Variants in PTPN13 observed in about 807,000 individuals in gnomAD.
The protein encoded by PTPN13 is protein tyrosine phosphatase non-receptor type 13.
PTPN13 carries 191 observed loss-of-function variants against 284.0 expected under a neutral mutation model. The observed-to-expected ratio is 0.67, with a 90% CI of 0.60 to 0.76. The LOEUF is 0.76. Among genes scored for constraint, PTPN13 ranks in the 30% least tolerant of loss-of-function variants. The probability of loss-of-function intolerance (pLI) is 0.00; values close to 1 mark genes in which losing one functional copy is unlikely to be tolerated. For synonymous variants in PTPN13, 986 were observed against 1,022.3 expected, an observed-to-expected ratio of 0.96 and a Z score of 0.68; for missense variants, 2,797 against 2,939.9, an observed-to-expected ratio of 0.95 and a Z score of 1.12.
chr4:86,777,084 G>A (rs1407083805), intron 35 of PTPN13, among the ~76,000 whole-genome samples: 2 of 152,066 alleles, frequency 1.3e-5, no homozygotes, highest in African/African-American at 4.8e-5. Context: ...ACTTATAATG[G>A]AAACAGATTG....
intron 35 of PTPN13, among the ~76,000 whole-genome samples, chr4:86,776,208 A>G (rs1417289899): frequency 6.6e-6 from 1 of 152,204 alleles, no homozygotes; most frequent in African/African-American, 2.4e-5. Flanking sequence ...GGCCTCCCAA[A>G]GTGCTGGGAT....
chr4:86,792,509 A>G (rs1742804162), intron 40 of PTPN13, among the ~76,000 whole-genome samples: 1 of 152,180 alleles, frequency 6.6e-6, no homozygotes, highest in Non-Finnish European at 1.5e-5. Flanking sequence ...TACAGAGAAC[A>G]CCACAAAGAT....
chr4:86,722,111 G>C (rs994796336), intron 9 of PTPN13, 101 bp from the exon 10 acceptor site: 4 of 939,450 alleles, frequency 4.3e-6, no homozygotes, highest in Non-Finnish European at 6.5e-6. Flanking sequence ...AATAAAATTT[G>C]TTTAAACTCT....
chr4:86,657,022 G>A (rs1220978707), intron 2 of PTPN13, among the ~76,000 whole-genome samples: 1 of 152,224 alleles, frequency 6.6e-6, no homozygotes, highest in Non-Finnish European at 1.5e-5. Context: ...GAGCCTCCAA[G>A]CCAGGAGCAG....
In PTPN13 at chr4:86,634,760, G is replaced by A. The variant is rs371374595; in HGVS notation, c.-5-492G>A. Among the ~76,000 whole-genome samples the A allele has an allele frequency of 4.6e-5, 7 of 152,222 alleles. No homozygotes were observed. In the East Asian group the frequency reaches 1.2e-3, roughly 25 times the overall value. ...AATATACAGTTATAGTATATATATT[G>A]GAGATAATAGAAATCAACTAAAGAA... On this transcript the variant is annotated intron_variant, in intron 1 of 47. Transcript: ENST00000411767.
chr4:86,635,104 G>A (rs111402877), intron 1 of PTPN13, 148 bp from the exon 2 acceptor site: 3 of 889,332 alleles, frequency 3.4e-6, no homozygotes, highest in East Asian at 2.8e-5. Flanking sequence ...CCTTCTGTGA[G>A]TTTAAGATAA....
At position 86,728,349 on chromosome 4, in the gene PTPN13, A is replaced by C. The variant is rs1417159395; in HGVS notation, c.1609-4051A>C. ...ATTAGGTCCACTTGTTGCAGAGCTG[A>C]GTTTAAGTCCTGGATATCCTTCTTA... On this transcript the variant is annotated intron_variant, in intron 10 of 47. Transcript: ENST00000411767. 1.3e-5 allele frequency among the ~76,000 whole-genome samples: 2 copies of C among 149,202 alleles called. 1 individual carries two copies. The highest frequency in any genetic ancestry group is 3.0e-5 in the Non-Finnish European group (2 of 66,536).
At chr4:86,778,637 G>A (rs191639452) in intron 35 of PTPN13, among the ~76,000 whole-genome samples, 1 of 152,188 alleles carries the variant, frequency 6.6e-6, no homozygotes, top group Admixed American at 6.5e-5. Flanking sequence ...ACCAAACAAA[G>A]AATAAATTCC....
chr4:86,736,447 GCT>G (rs1261400053), intron 15 of PTPN13, among the ~76,000 whole-genome samples: 1 of 152,086 alleles, frequency 6.6e-6, no homozygotes. Context: ...TCCATTCACT[GCT>G]GCATATAGAA....
In PTPN13 at chr4:86,811,052, A is replaced by G. The variant is rs776959798; in HGVS notation, c.7306A>G (p.Ile2436Val). 11 of 1,613,424 alleles carry G rather than the reference A, an allele frequency of 6.8e-6. No homozygotes were observed. The Middle Eastern group carries it at 6.6e-4, about 97-fold the overall frequency. ...GLISQDLDFD[I>V]SDLVRCMRLQ... ...ATGTGGTTTCCTCTGACAGTTTGAC[A>G]TCTCTGATTTGGTGCGCTGCATGAG... Residue 2436 changes from isoleucine to valine, a missense_variant, in exon 47 of 48, where the codon ATC (isoleucine) becomes GTC (valine). Physicochemically the swap from Ile to Val is conservative, Grantham distance 29. Transcript: ENST00000411767.
intron 2 of PTPN13, among the ~76,000 whole-genome samples, chr4:86,659,732 C>G (rs1726257575): frequency 6.6e-6 from 1 of 151,964 alleles, no homozygotes; most frequent in Non-Finnish European, 1.5e-5. Context: ...AGGAGAATTA[C>G]TTGAACCTGG....
In PTPN13 at chr4:86,775,264, G is replaced by A. The variant is rs147016983; in HGVS notation, c.5602G>A (p.Val1868Ile). The change falls in exon 34 of 48, where the codon GTT (valine) becomes ATT (isoleucine). Residue 1868 changes from valine to isoleucine, a missense_variant. Coordinates refer to ENST00000411767, the MANE Select transcript of PTPN13 (RefSeq NM_080683.3). ...SKTVRLVIGR[V>I]LELPRIPMLP... is the part of the protein sequence containing the mutation. ...AACAGTCAGATTAGTTATTGGACGA[G>A]TTCTAGAATTACCCAGAATACCAAT... The A allele has an allele frequency of 9.3e-6, 15 of 1,613,674 alleles. No homozygotes were observed. The South Asian group carries it at 1.5e-4, about 17-fold the overall frequency.
At chr4:86,807,146 A>C (rs1578727414) in intron 44 of PTPN13, among the ~76,000 whole-genome samples, 1 of 152,192 alleles carries the variant, frequency 6.6e-6, no homozygotes, top group East Asian at 1.9e-4. Flanking sequence ...TCTATGAAAA[A>C]TTTTTTGGCA....
At chr4:86,680,363 A>ATCTG (rs1728749560) in intron 3 of PTPN13, among the ~76,000 whole-genome samples, 3 of 150,440 alleles carry the variant, frequency 2.0e-5, no homozygotes. Flanking sequence ...CTATCTATCT[A>ATCTG]TCTATCTATC....
chr4:86,598,128 C>G (rs1211230425), intron 1 of PTPN13, among the ~76,000 whole-genome samples: 4 of 150,170 alleles, frequency 2.7e-5, no homozygotes. Flanking sequence ...ATATACTTCT[C>G]AAGGCTTTTT....
At chr4:86,630,658 T>C (rs1446173118) in intron 1 of PTPN13, among the ~76,000 whole-genome samples, 2 of 152,186 alleles carry the variant, frequency 1.3e-5, no homozygotes, top group Non-Finnish European at 2.9e-5. Flanking sequence ...AGTGAATCCT[T>C]GCTCAAACTA....
chr4:86,751,233 A>G (rs1737351446), intron 19 of PTPN13, 109 bp downstream of exon 19: 1 of 744,870 alleles, frequency 1.3e-6, no homozygotes. Flanking sequence ...CCTAATTGCC[A>G]AAACTGAATA....
chr4:86,794,657 G>T (rs573102093), intron 40 of PTPN13, among the ~76,000 whole-genome samples: 3 of 152,130 alleles, frequency 2.0e-5, no homozygotes, highest in African/African-American at 4.8e-5. Flanking sequence ...ATACTACAAG[G>T]CTACAGTAAC....
intron 1 of PTPN13, among the ~76,000 whole-genome samples, chr4:86,619,909 A>C (rs963360068): frequency 3.9e-5 from 6 of 152,136 alleles, no homozygotes; most frequent in Admixed American, 1.3e-4. Context: ...CTGCACAGGC[A>C]GGCCACACTC....
Sources: allele counts gnomAD v4.1 joint callset (sites outside exome capture counted in the v4.1 genomes callset), GRCh38; gene constraint gnomAD v4.1.1; transcripts MANE v1.5; gene names NCBI Gene and HGNC (gene_info 2026-07-23, HGNC 2026-07-21).